The following SYT14 variants were observed in gnomAD, a reference collection of about 807,000 sequenced individuals.
SYT14 encodes the protein synaptotagmin 14.
A neutral mutation model predicts 74.2 loss-of-function variants in SYT14; 32 were observed. The ratio of observed to expected loss-of-function variants is 0.43; its 90% CI spans 0.33 to 0.58. SYT14 has a LOEUF of 0.58. SYT14 is among the 20% of genes least tolerant of loss of function. The pLI is 0.05. For missense variants in SYT14, 791 were observed against 981.8 expected, an observed-to-expected ratio of 0.81 and a Z score of 2.60; for synonymous variants, 298 against 337.7, an observed-to-expected ratio of 0.88 and a Z score of 1.29.
chr1:210,136,828 C>T (rs1338130568), intron 7 of SYT14, among the ~76,000 whole-genome samples: 1 of 152,124 alleles, frequency 6.6e-6, no homozygotes, highest in East Asian at 1.9e-4. Context: ...AATCAAATAA[C>T]TTAGTGTGCA....
At chr1:209,969,836 A>C (rs2079217981) in intron 2 of SYT14, among the ~76,000 whole-genome samples, 3 of 151,336 alleles carry the variant, frequency 2.0e-5, no homozygotes, top group Non-Finnish European at 2.9e-5. Flanking sequence ...CCATTTTTTC[A>C]TGTTTGTTGG....
chr1:210,041,990 C>T (rs1340771031), intron 5 of SYT14, among the ~76,000 whole-genome samples: 2 of 151,932 alleles, frequency 1.3e-5, no homozygotes, highest in East Asian at 1.9e-4. Context: ...CTGAGCCAAG[C>T]GTTGCTTAGT....
intron 5 of SYT14, among the ~76,000 whole-genome samples, chr1:210,083,270 C>T (rs370886175): frequency 6.6e-6 from 1 of 152,056 alleles, no homozygotes; most frequent in South Asian, 2.1e-4. Flanking sequence ...GGGATACAGG[C>T]GTGAGCCGCC....
rs142504866 is a variant in SYT14 at position 210,154,209 on chromosome 1, TG to T, written c.2035-1510del. ...ACAGTCTTCCAGCATCTCTTCTGGT[TG>T]GTAATAACTTTCTAGAAAGATGTCT... On this transcript the variant is annotated intron_variant, in intron 7 of 9. Coordinates refer to ENST00000637265, the Ensembl canonical transcript of SYT14. 6.2e-4 allele frequency among the ~76,000 whole-genome samples: 94 copies of T among 152,248 alleles called. 3 individuals carry two copies. The East Asian group carries it at 0.013, about 21-fold the overall frequency.
intron 7 of SYT14, among the ~76,000 whole-genome samples, chr1:210,108,374 C>A (rs2082197339): frequency 6.6e-6 from 1 of 152,116 alleles, no homozygotes; most frequent in Admixed American, 6.6e-5. Flanking sequence ...AAAGAATAAT[C>A]TGAATATTAA....
chr1:210,060,819 G>A (rs1351225892), intron 5 of SYT14, among the ~76,000 whole-genome samples: 3 of 151,974 alleles, frequency 2.0e-5, no homozygotes, highest in Non-Finnish European at 4.4e-5. Context: ...TTAATTGGCA[G>A]TTGAATTGCT....
chr1:210,059,345 G>A (rs1413934372), intron 5 of SYT14, among the ~76,000 whole-genome samples: 3 of 150,090 alleles, frequency 2.0e-5, no homozygotes, highest in Non-Finnish European at 3.0e-5. Context: ...TTAATTTGAT[G>A]GCTAAGAGTT....
chr1:209,940,525 T>C (rs958911037), intron 1 of SYT14, among the ~76,000 whole-genome samples: 1 of 152,224 alleles, frequency 6.6e-6, no homozygotes, highest in African/African-American at 2.4e-5. Flanking sequence ...GTGTGAATGC[T>C]AAGAGATGGA....
At chr1:210,096,992 T>C (rs772026182) in intron 6 of SYT14, among the ~76,000 whole-genome samples, 1 of 152,236 alleles carries the variant, frequency 6.6e-6, no homozygotes, top group Admixed American at 6.5e-5. Context: ...TTGTCTGTAT[T>C]TCAGAAGCTG....
intron 1 of SYT14, among the ~76,000 whole-genome samples, chr1:209,944,515 T>A (rs2078790417): frequency 6.6e-6 from 1 of 152,206 alleles, no homozygotes; most frequent in South Asian, 2.1e-4. Context: ...GATATTGTTG[T>A]CAATAAGATC....
chr1:209,991,313 TA>T (rs1369676696), intron 2 of SYT14, among the ~76,000 whole-genome samples: 1 of 151,840 alleles, frequency 6.6e-6, no homozygotes, highest in African/African-American at 2.4e-5. Flanking sequence ...TTCTGCACAG[TA>T]AAAGAAATAA....
chr1:209,993,453 C>G (rs376808259), intron 2 of SYT14, among the ~76,000 whole-genome samples: 20 of 152,316 alleles, frequency 1.3e-4, no homozygotes, highest in African/African-American at 4.8e-4. Context: ...CATCTGGGTA[C>G]CCCCAGAGCT....
At chr1:210,050,638 A>G (rs1312135768) in intron 5 of SYT14, among the ~76,000 whole-genome samples, 1 of 152,222 alleles carries the variant, frequency 6.6e-6, no homozygotes, top group Non-Finnish European at 1.5e-5. Flanking sequence ...TATTGGACGT[A>G]CAGTATCACA....
chr1:210,169,111 A>G (rs1179925620), exon 10 of SYT14: 1 of 151,992 alleles, frequency 6.6e-6, no homozygotes, highest in Non-Finnish European at 1.5e-5. Flanking sequence ...CCTGGTTTTT[A>G]AAATTTCACA....
intron 5 of SYT14, among the ~76,000 whole-genome samples, chr1:210,059,681 G>A (rs775601200): frequency 9.9e-5 from 15 of 151,788 alleles, no homozygotes; most frequent in Non-Finnish European, 2.1e-4. Flanking sequence ...TTGCACTAGG[G>A]GTCCATACTC....
At chr1:210,078,182 C>A (rs369168455) in intron 5 of SYT14, among the ~76,000 whole-genome samples, 1 of 151,392 alleles carries the variant, frequency 6.6e-6, no homozygotes, top group Non-Finnish European at 1.5e-5. Flanking sequence ...TGGTAGCGGG[C>A]GCCTGTAGTC....
intron 2 of SYT14, among the ~76,000 whole-genome samples, chr1:209,967,459 G>A (rs2079173689): frequency 6.6e-6 from 1 of 151,978 alleles, no homozygotes; most frequent in Admixed American, 6.6e-5. Flanking sequence ...CCTTCTTTAT[G>A]GGAAGGTTTT....
intron 7 of SYT14, among the ~76,000 whole-genome samples, chr1:210,135,487 T>G (rs1047686066): frequency 6.6e-6 from 1 of 152,240 alleles, no homozygotes; most frequent in Admixed American, 6.5e-5. Context: ...CCATGTTTTC[T>G]TCTATTGTCT....
intron 5 of SYT14, among the ~76,000 whole-genome samples, chr1:210,029,443 A>C (rs2080481699): frequency 6.6e-6 from 1 of 152,130 alleles, no homozygotes; most frequent in African/African-American, 2.4e-5. Flanking sequence ...TAATTTTTAT[A>C]TACGATATTC....
Sources: allele counts gnomAD v4.1 joint callset (sites outside exome capture counted in the v4.1 genomes callset), GRCh38; gene constraint gnomAD v4.1.1; transcripts MANE v1.5; gene names NCBI Gene and HGNC (gene_info 2026-07-23, HGNC 2026-07-21).